CFAP54: variants seen among roughly 807,000 people sequenced by gnomAD.
CFAP54 encodes cilia and flagella associated protein 54.
A neutral mutation model predicts 370.4 loss-of-function variants in CFAP54; 290 were observed. The ratio of observed to expected loss-of-function variants is 0.78; its 90% CI spans 0.71 to 0.86. CFAP54 has a LOEUF of 0.86. CFAP54 is among the 40% of genes least tolerant of loss of function. The pLI, the probability that CFAP54 is intolerant of heterozygous loss-of-function variation, is 0.00. For synonymous variants in CFAP54, 1,206 were observed against 1,236.5 expected (o/e 0.98, Z 0.52); for missense variants, 3,399 against 3,528.7 (o/e 0.96, Z 0.93).
chr12:96,720,280 C>T, intron 49 of CFAP54, 125 bp from the exon 50 acceptor site: 2 of 810,496 alleles, frequency 2.5e-6, no homozygotes, highest in Non-Finnish European at 3.4e-6. Flanking sequence ...AATTAGATAC[C>T]AAGTTCCTTT....
At chr12:96,848,770 CT>C (rs746955813) in intron 66 of CFAP54, among the ~76,000 whole-genome samples, 1 of 152,176 alleles carries the variant, frequency 6.6e-6, no homozygotes, top group African/African-American at 2.4e-5. Flanking sequence ...TAAAAAACCC[CT>C]TTTTTGTCAT....
intron 55 of CFAP54, among the ~76,000 whole-genome samples, chr12:96,746,674 A>C (rs1958117420): frequency 6.6e-6 from 1 of 152,194 alleles, no homozygotes; most frequent in Non-Finnish European, 1.5e-5. Flanking sequence ...GATGTGGTCC[A>C]AGCTGACCTG....
At chr12:96,651,034 G>A (rs1486678797) in intron 35 of CFAP54, among the ~76,000 whole-genome samples, 1 of 152,058 alleles carries the variant, frequency 6.6e-6, no homozygotes, top group Non-Finnish European at 1.5e-5. Context: ...CACCCTCACT[G>A]CCACTTTCAC....
In CFAP54 at chr12:96,757,526, C is replaced by G; in HGVS notation, c.7978C>G (p.Leu2660Val). The change falls in exon 58 of 68, where the codon CTA becomes GTA. Residue 2660 changes from leucine to valine, a missense_variant. Leu to Val is a conservative substitution (Grantham distance 32). Coordinates refer to ENST00000524981, the MANE Select transcript of CFAP54 (RefSeq NM_001306084.2). Reference sequence around the variant, plus strand: ...AAGAGACTCCTACCTAGAAATGGCTCTATTGTATTTTCATCTGAAGAAGCC... The same window carrying G: ...AAGAGACTCCTACCTAGAAATGGCTGTATTGTATTTTCATCTGAAGAAGCC... ...LIRDSYLEMA[L>V]LYFHLKKPKI... 2 of 1,597,722 alleles carry G rather than the reference C, an allele frequency of 1.3e-6. No homozygotes were observed. The highest frequency in any genetic ancestry group is 2.2e-5 in the East Asian group (1 of 44,750).
At chr12:96,614,638 C>A (rs1410657553) in intron 26 of CFAP54, among the ~76,000 whole-genome samples, 1 of 152,184 alleles carries the variant, frequency 6.6e-6, no homozygotes, top group African/African-American at 2.4e-5. Context: ...CCAAAATCTC[C>A]TTAAGCTGAT....
chr12:96,816,607 A>G lies in CFAP54; in HGVS notation c.8958-1168A>G, dbSNP rs528516067. ...TGAGGATGCTGTGGACAATTGGAAA[A>G]TTGACATTTTTGCCTATGTTCCTGA... On this transcript the variant is annotated intron_variant, in intron 64 of 67. Transcript: ENST00000524981. 1.4e-3 allele frequency among the ~76,000 whole-genome samples: 220 copies of G among 152,338 alleles called. 1 individual carries two copies. The highest frequency in any genetic ancestry group is 4.9e-3 in the African/African-American group (205 of 41,584).
intron 15 of CFAP54, among the ~76,000 whole-genome samples, chr12:96,551,573 A>G (rs1955695145): frequency 6.6e-6 from 1 of 151,704 alleles, no homozygotes; most frequent in Non-Finnish European, 1.5e-5. Context: ...GAATGCCAGG[A>G]TGATTTAACA....
At position 96,737,895 on chromosome 12, in the gene CFAP54, C is replaced by A. The variant is rs539478825; in HGVS notation, c.6966-2061C>A. Among the ~76,000 whole-genome samples the A allele has an allele frequency of 1.6e-4, 24 of 152,110 alleles. No individual in the cohort carries two copies. In the South Asian group the frequency reaches 5.0e-3, roughly 32 times the overall value. On this transcript the variant is annotated intron_variant, in intron 50 of 67. Coordinates refer to ENST00000524981, the MANE Select transcript of CFAP54 (RefSeq NM_001306084.2). The stretch of plus-strand genomic sequence containing the variant: ...ATGGACACTGATGAAGCTGAACATA[C>A]ACTGCATCAGAATCTCAGTAACGGA...
intron 5 of CFAP54, among the ~76,000 whole-genome samples, chr12:96,513,586 C>A (rs1012975397): frequency 2.0e-5 from 3 of 152,042 alleles, no homozygotes; most frequent in African/African-American, 4.8e-5. Context: ...ACAAAAAATA[C>A]AAAAATTAGC....
rs141762378 is a variant in CFAP54, at chr12:96,743,404, G to A, written c.7222G>A (p.Asp2408Asn). 3.7e-6 allele frequency: 6 copies of A among 1,612,100 alleles called. No homozygotes were observed. In the South Asian group the frequency reaches 4.4e-5, roughly 12 times the overall value. The change falls in exon 53 of 68, where the codon GAT (aspartate) becomes AAT (asparagine). Residue 2408 changes from aspartate to asparagine, a missense_variant and splice_region_variant. This residue lies in a region of CFAP54 where 2,796 missense variants were observed against 2,869.7 expected (regional missense o/e 0.97). Transcript: ENST00000524981. ...ATAACCGCATTTGTTTATTTTAGAG[G>A]ATGATATGACAGATTGCCTGAGCCT... is the stretch of plus-strand genomic sequence containing the variant. ...QIHGIGIVKE[D>N]DMTDCLSLIN...
chr12:96,708,610 A>G lies in CFAP54; in HGVS notation c.6531A>G (p.Ala2177=). 1 of 1,585,666 alleles carries G rather than the reference A, an allele frequency of 6.3e-7. No individual in the cohort carries two copies. Among genetic ancestry groups the G allele is most frequent in the Non-Finnish European group, 8.5e-7 (1 of 1,172,854 alleles). The change falls in exon 48 of 68, where the codon GCA becomes GCG. Residue 2177 remains alanine (A), a splice_region_variant and synonymous_variant. Coordinates refer to ENST00000524981, the MANE Select transcript of CFAP54 (RefSeq NM_001306084.2). ...TTTTCCTTTTTTCCATTTTTTAGGC[A>G]ATTGATGAATTAAGAAATAAAGGCT... ...KLLTSKENIQ[A]IDELRNKGLP... is the part of the protein sequence containing the mutation.
rs1958218256 is a variant in CFAP54, at chr12:96,753,808, G to A, written c.7750G>A (p.Ala2584Thr). 1 of 1,613,874 alleles carries A rather than the reference G, an allele frequency of 6.2e-7. No homozygotes were observed. The highest frequency in any genetic ancestry group is 1.3e-5 in the African/African-American group (1 of 74,908). Reference sequence around the variant, plus strand: ...GAAGGACCCCTCGAAGTGGTTACCTGCTCTTCATCTGTTTGATGTGGCACT... The same window carrying A: ...GAAGGACCCCTCGAAGTGGTTACCTACTCTTCATCTGTTTGATGTGGCACT... ...KRKDPSKWLP[A>T]LHLFDVALKL... Residue 2584 changes from alanine (A) to threonine (T), a missense_variant, in exon 56 of 68, where the codon GCT (alanine) becomes ACT (threonine). This residue lies in a region of CFAP54 where 2,796 missense variants were observed against 2,869.7 expected (regional missense o/e 0.97). Transcript: ENST00000524981.
At chr12:96,491,482 T>C (rs1219930870) in intron 1 of CFAP54, among the ~76,000 whole-genome samples, 1 of 152,114 alleles carries the variant, frequency 6.6e-6, no homozygotes, top group Non-Finnish European at 1.5e-5. Flanking sequence ...GATGAATAGC[T>C]AAGGGAGTGT....
chr12:96,533,057 T>C (rs1955458074), intron 9 of CFAP54, among the ~76,000 whole-genome samples: 1 of 152,152 alleles, frequency 6.6e-6, no homozygotes, highest in South Asian at 2.1e-4. Flanking sequence ...AGCACTCTAC[T>C]AAGAATGTCA....
At chr12:96,532,562 G>T (rs184783195) in intron 9 of CFAP54, among the ~76,000 whole-genome samples, 7 of 152,200 alleles carry the variant, frequency 4.6e-5, no homozygotes, top group Non-Finnish European at 1.0e-4. Flanking sequence ...GAGGAGAGGG[G>T]ATGTTTCTCT....
chr12:96,718,779 C>T (rs1055582360), intron 49 of CFAP54, among the ~76,000 whole-genome samples: 4 of 152,200 alleles, frequency 2.6e-5, no homozygotes, highest in Admixed American at 1.3e-4. Flanking sequence ...TGGCTCACAC[C>T]TGTAATCCCA....
intron 4 of CFAP54, among the ~76,000 whole-genome samples, chr12:96,510,432 T>C (rs1955153121): frequency 6.6e-6 from 1 of 151,994 alleles, no homozygotes; most frequent in Admixed American, 6.6e-5. Flanking sequence ...AGTCAGAACA[T>C]TTTAGTGCTG....
intron 30 of CFAP54, among the ~76,000 whole-genome samples, chr12:96,628,006 G>A (rs815898): frequency 0.096 from 14,635 of 152,240 alleles, 856 homozygotes; most frequent in South Asian, 0.24. Context: ...TGACTATTAT[G>A]TTACAACATC....
At position 96,494,215 on chromosome 12, in the gene CFAP54, G is replaced by A. The variant is rs184763492; in HGVS notation, c.317+4289G>A. On this transcript the variant is annotated intron_variant, in intron 1 of 67. Transcript: ENST00000524981. ...CAACAGTATGAGGTGAGATTTAGGG[G>A]AATAATAGGACTTTGGAAGGTTTTA... Among the ~76,000 whole-genome samples the A allele has an allele frequency of 5.7e-4, 86 of 152,210 alleles. 1 individual carries two copies. The highest frequency in any genetic ancestry group is 2.0e-3 in the African/African-American group (85 of 41,524).
Sources: allele counts gnomAD v4.1 joint callset (sites outside exome capture counted in the v4.1 genomes callset), GRCh38; gene constraint gnomAD v4.1.1; regional missense constraint gnomAD v4.1.1; transcripts MANE v1.5; gene names NCBI Gene and HGNC (gene_info 2026-07-23, HGNC 2026-07-21).